MEIKIN: variants seen among roughly 807,000 people sequenced by gnomAD.
MEIKIN encodes the protein meiotic kinetochore factor, also known as meiosis-specific kinetochore protein.
At chr5:131,844,524 CA>C (rs1749975864) in intron 11 of MEIKIN, among the ~76,000 whole-genome samples, 1 of 152,044 alleles carries the variant, frequency 6.6e-6, no homozygotes, top group Admixed American at 6.6e-5. Context: ...CTAGGGAAAC[CA>C]AAATGACTTA....
chr5:131,816,412 A>C (rs890362995), intron 12 of MEIKIN, among the ~76,000 whole-genome samples: 38 of 152,234 alleles, frequency 2.5e-4, no homozygotes, highest in African/African-American at 9.2e-4. Context: ...GGCCTCATTC[A>C]ATCAGTTGAA....
chr5:131,867,434 T>C (rs886135053), intron 9 of MEIKIN, among the ~76,000 whole-genome samples: 5 of 152,214 alleles, frequency 3.3e-5, no homozygotes, highest in African/African-American at 1.2e-4. Context: ...GTATATTCTG[T>C]GGGTTTTGAC....
chr5:131,809,113 A>T (rs575495275), intron 12 of MEIKIN, among the ~76,000 whole-genome samples: 2 of 152,152 alleles, frequency 1.3e-5, no homozygotes, highest in Non-Finnish European at 2.9e-5. Flanking sequence ...CTTGTTTTAC[A>T]TATCTGACTT....
intron 12 of MEIKIN, among the ~76,000 whole-genome samples, chr5:131,812,157 C>T (rs1772969920): frequency 6.6e-6 from 1 of 152,234 alleles, no homozygotes; most frequent in African/African-American, 2.4e-5. Flanking sequence ...ATATACTCTA[C>T]TGGGTCTGGC....
At chr5:131,821,630 CTTTTTTT>C (rs375765946) in intron 11 of MEIKIN, among the ~76,000 whole-genome samples, 6 of 50,450 alleles carry the variant, frequency 1.2e-4, no homozygotes, top group Admixed American at 1.9e-4. Context: ...TGAGGTCTGC[CTTTTTTT>C]TTTTTTTTTT....
chr5:131,853,839 T>C (rs1405704094), intron 10 of MEIKIN, among the ~76,000 whole-genome samples: 1 of 151,836 alleles, frequency 6.6e-6, no homozygotes, highest in Non-Finnish European at 1.5e-5. Context: ...AAAAAGAAAA[T>C]AACAAGTGCT....
intron 12 of MEIKIN, among the ~76,000 whole-genome samples, chr5:131,817,996 C>CA (rs1326402807): frequency 2.0e-5 from 3 of 151,932 alleles, no homozygotes; most frequent in Admixed American, 6.6e-5. Flanking sequence ...CAAAACAAAA[C>CA]AAAAAAACAC....
chr5:131,835,517 T>G (rs1749790320), intron 11 of MEIKIN, among the ~76,000 whole-genome samples: 1 of 152,222 alleles, frequency 6.6e-6, no homozygotes, highest in African/African-American at 2.4e-5. Context: ...ATTTAAGTCT[T>G]TAATCCATTT....
intron 9 of MEIKIN, among the ~76,000 whole-genome samples, chr5:131,860,786 G>T: frequency 1.1e-5 from 1 of 92,984 alleles, no homozygotes; most frequent in Admixed American, 1.5e-4. Flanking sequence ...TTTTGAGAGA[G>T]AGTCTTGCTC....
At chr5:131,903,449 C>T (rs1013327534) in intron 8 of MEIKIN, among the ~76,000 whole-genome samples, 4 of 152,164 alleles carry the variant, frequency 2.6e-5, no homozygotes, top group Non-Finnish European at 4.4e-5. Flanking sequence ...TAACAGCAGA[C>T]CTATCAGCAG....
At chr5:131,918,134 C>T (rs952652315) in intron 6 of MEIKIN, among the ~76,000 whole-genome samples, 3 of 152,188 alleles carry the variant, frequency 2.0e-5, no homozygotes, top group Admixed American at 1.3e-4. Context: ...ATTATGTAAG[C>T]CCACAGCCAG....
intron 11 of MEIKIN, among the ~76,000 whole-genome samples, chr5:131,832,701 C>T (rs528805445): frequency 1.5e-3 from 224 of 152,294 alleles, no homozygotes; most frequent in Non-Finnish European, 2.2e-3. Context: ...AGAAGAGGTT[C>T]CCAAACCTCA....
intron 8 of MEIKIN, among the ~76,000 whole-genome samples, chr5:131,889,225 T>TA (rs1750861787): frequency 2.0e-5 from 3 of 152,288 alleles, no homozygotes; most frequent in African/African-American, 7.2e-5. Context: ...AACTTGAAAG[T>TA]AGTTTTTTCC....
intron 8 of MEIKIN, among the ~76,000 whole-genome samples, chr5:131,907,729 G>A (rs1035914064): frequency 2.1e-4 from 32 of 151,644 alleles, no homozygotes; most frequent in South Asian, 6.3e-4. Context: ...AAAATTAGCC[G>A]GGCGTGGTGG....
intron 8 of MEIKIN, among the ~76,000 whole-genome samples, chr5:131,881,216 G>C (rs929235037): frequency 6.6e-6 from 1 of 152,220 alleles, no homozygotes; most frequent in Admixed American, 6.5e-5. Flanking sequence ...GAGGATAATA[G>C]TGTAGGACCA....
chr5:131,939,083 C>CA (rs2149654874), intron 4 of MEIKIN, among the ~76,000 whole-genome samples: 1 of 152,294 alleles, frequency 6.6e-6, no homozygotes, highest in East Asian at 1.9e-4. Context: ...TACAGACTTT[C>CA]ACTTAATTCC....
At chr5:131,817,355 T>C (rs1235436440) in intron 12 of MEIKIN, among the ~76,000 whole-genome samples, 1 of 152,052 alleles carries the variant, frequency 6.6e-6, no homozygotes. Context: ...CTCACGCCTG[T>C]AATCCCAACA....
intron 11 of MEIKIN, among the ~76,000 whole-genome samples, chr5:131,849,396 T>TAA (rs1429774333): frequency 2.8e-5 from 4 of 140,472 alleles, no homozygotes; most frequent in Non-Finnish European, 4.6e-5. Flanking sequence ...CCTCTTTTCT[T>TAA]TATATATATA....
At chr5:131,851,719 C>T (rs1030193863) in intron 10 of MEIKIN, among the ~76,000 whole-genome samples, 2 of 152,172 alleles carry the variant, frequency 1.3e-5, no homozygotes, top group African/African-American at 2.4e-5. Flanking sequence ...AGTGCCATAT[C>T]CATTTTTCTA....
Sources: gnomAD v4.1 joint callset for allele counts (sites outside exome capture counted in the v4.1 genomes callset) on GRCh38, gnomAD v4.1.1 for gene constraint, MANE v1.5 for transcripts, NCBI Gene and HGNC (gene_info 2026-07-23, HGNC 2026-07-21) for gene names.